SIMC1: variants seen among roughly 807,000 people sequenced by gnomAD.
SIMC1 encodes SUMO interacting motifs containing 1, also known as SUMO-interacting motif-containing protein 1.
Under a neutral mutation model 82.3 loss-of-function variants are expected in SIMC1, and 55 were observed. The ratio of observed to expected loss-of-function variants is 0.67; its 90% CI spans 0.54 to 0.84. The LOEUF is 0.84. Among genes scored for constraint, SIMC1 ranks in the 40% least tolerant of loss-of-function variants. The probability of loss-of-function intolerance (pLI) is 0.00; values close to 1 mark genes in which losing one functional copy is unlikely to be tolerated. For synonymous variants in SIMC1, 353 were observed against 426.3 expected (o/e 0.83, Z 2.12); for missense variants, 915 against 1,107.2 (o/e 0.83, Z 2.46).
chr5:176,289,340 C>T (rs573339625), intron 1 of SIMC1, among the ~76,000 whole-genome samples: 1 of 152,054 alleles, frequency 6.6e-6, no homozygotes, highest in East Asian at 1.9e-4. Flanking sequence ...TTTGACCTTC[C>T]AAACAAAGGT....
chr5:176,340,158 C>G (rs1766068625), intron 9 of SIMC1, among the ~76,000 whole-genome samples: 1 of 152,158 alleles, frequency 6.6e-6, no homozygotes, highest in East Asian at 1.9e-4. Flanking sequence ...ATCCAAAAAC[C>G]TTGTGAAGGT....
intron 4 of SIMC1, among the ~76,000 whole-genome samples, chr5:176,305,785 G>A (rs1471366944): frequency 1.7e-5 from 1 of 58,918 alleles, no homozygotes; most frequent in South Asian, 6.0e-4. Context: ...CCGGCCAGCC[G>A]CCCCGTCCGG....
chr5:176,340,671 G>A (rs920468603), intron 9 of SIMC1, among the ~76,000 whole-genome samples: 12 of 152,214 alleles, frequency 7.9e-5, no homozygotes, highest in African/African-American at 1.7e-4. Flanking sequence ...TAATGAATAA[G>A]ACCAGCATGG....
chr5:176,297,115 G>A (rs1420762972), intron 4 of SIMC1, among the ~76,000 whole-genome samples: 9 of 152,178 alleles, frequency 5.9e-5, no homozygotes, highest in Non-Finnish European at 1.3e-4. Flanking sequence ...GTTTGTGGAT[G>A]GAACAGCCAA....
chr5:176,338,318 C>T (rs991264606), intron 9 of SIMC1, among the ~76,000 whole-genome samples: 2 of 152,050 alleles, frequency 1.3e-5, no homozygotes, highest in African/African-American at 4.8e-5. Context: ...TAGGCTGGAT[C>T]CTGAACAGGA....
rs1255505996 is a variant in SIMC1 at position 176,345,668 on chromosome 5, TAATA to T, written c.*227_*230del. On this transcript the variant is annotated 3_prime_UTR_variant, in exon 10 of 10. Coordinates refer to ENST00000429602, the MANE Select transcript of SIMC1 (RefSeq NM_001308195.2). Reference sequence around the variant, plus strand: ...AAATATACAAGGTATATATATTTTTTAATAAATTATTTATCTATACTTTTTTGAA... The same window carrying T: ...AAATATACAAGGTATATATATTTTTTAATTATTTATCTATACTTTTTTGAA... The T allele has an allele frequency of 3.5e-6, 1 of 282,296 alleles. No individual in the cohort carries two copies. Among genetic ancestry groups the T allele is most frequent in the Non-Finnish European group, 6.3e-6 (1 of 157,516 alleles). 17.5% of individuals were successfully genotyped at this position (282,296 alleles called of 1,614,324 possible). A position where few individuals can be genotyped will look rare whatever the true frequency, so the allele number is the denominator to read the frequency against.
Position 176,290,841 on chromosome 5 carries a change from AC to A in SIMC1, c.1319del (p.Pro440HisfsTer14). On this transcript the variant is annotated frameshift_variant, in exon 2 of 10. Transcript: ENST00000429602. LOFTEE classifies it high-confidence loss of function. The part of the protein sequence containing the change: ...PGSAHVQSRT[P>X]QGGLYNRPCL... ...GGTCTGCCCACGTACAATCACGAAC[AC>A]CACAAGGTGGGTTGTACAACAGACC... 1 of 1,613,732 alleles carries A rather than the reference AC, an allele frequency of 6.2e-7. No individual in the cohort carries two copies. Among genetic ancestry groups the A allele is most frequent in the Non-Finnish European group, 8.5e-7 (1 of 1,179,732 alleles).
chr5:176,304,823 C>G (rs960565414), intron 4 of SIMC1, among the ~76,000 whole-genome samples: 4 of 149,894 alleles, frequency 2.7e-5, no homozygotes, highest in Non-Finnish European at 5.9e-5. Flanking sequence ...ATGTGGGGAG[C>G]GCCTCTGCCC....
chr5:176,290,289 G>A lies in SIMC1; in HGVS notation c.765G>A (p.Gln255=). The A allele has an allele frequency of 1.2e-6, 2 of 1,612,124 alleles. No homozygotes were observed. The highest frequency in any genetic ancestry group is 1.7e-6 in the Non-Finnish European group (2 of 1,179,710). The change falls in exon 2 of 10, where the codon CAG becomes CAA. Residue 255 remains glutamine (Q), a synonymous_variant. Transcript: ENST00000429602. ...TGTCATGCCCATCACAAACCATGCA[G>A]TGCCAACTACCAGCTCTAACTCACC... ...RALSCPSQTM[Q]CQLPALTHPP... is the part of the protein sequence containing the mutation.
chr5:176,260,086 C>G lies in SIMC1; in HGVS notation c.129+21449C>G, dbSNP rs192194639. Among the ~76,000 whole-genome samples, 561 of 151,666 alleles carry G rather than the reference C, an allele frequency of 3.7e-3. 3 individuals are homozygous for G. Among genetic ancestry groups the G allele is most frequent in the African/African-American group, 0.013 (533 of 41,410 alleles). ...TTAAAAAATTCATACCTCATTCAGA[C>G]CATTATTCATTTTGCTTGCAATGGT... On this transcript the variant is annotated intron_variant, in intron 1 of 9. Transcript: ENST00000429602.
chr5:176,275,876 G>A (rs936485504), intron 1 of SIMC1, among the ~76,000 whole-genome samples: 1 of 151,640 alleles, frequency 6.6e-6, no homozygotes, highest in Non-Finnish European at 1.5e-5. Context: ...CGGTTTGCTA[G>A]TATTTTATTG....
intron 9 of SIMC1, among the ~76,000 whole-genome samples, chr5:176,343,718 C>T (rs914624923): frequency 1.2e-4 from 19 of 152,082 alleles, no homozygotes; most frequent in Admixed American, 8.5e-4. Flanking sequence ...ATCTCCTAAG[C>T]GTAAGGATAT....
chr5:176,307,523 C>A (rs562128752), intron 4 of SIMC1, among the ~76,000 whole-genome samples: 12 of 152,270 alleles, frequency 7.9e-5, no homozygotes, highest in African/African-American at 2.6e-4. Context: ...GCCTCAGCCT[C>A]CCGAGTAGCT....
Position 176,308,138 on chromosome 5 carries a change from G to T in SIMC1, c.1735-5553G>T. On this transcript the variant is annotated intron_variant, in intron 4 of 9. Coordinates refer to ENST00000429602, the MANE Select transcript of SIMC1 (RefSeq NM_001308195.2). ...CACTTTCCTTGTTTGTCTCAACCAT[G>T]CTCTGAGCACAGAGAAGGAGGAAGT... is the stretch of plus-strand genomic sequence containing the variant. The T allele has an allele frequency of 4.0e-6, 4 of 1,003,214 alleles. No homozygotes were observed. In the South Asian group the frequency reaches 4.0e-5, roughly 10 times the overall value. The allele number at this position is 1,003,214 out of a possible 1,614,324, so 62.1% of individuals were successfully genotyped here.
chr5:176,245,136 C>T (rs1177055805), intron 1 of SIMC1, among the ~76,000 whole-genome samples: 11 of 152,158 alleles, frequency 7.2e-5, no homozygotes, highest in Admixed American at 7.2e-4. Context: ...CAGATTGTGA[C>T]CTTATTTAGA....
intron 5 of SIMC1, 75 bp from the exon 6 acceptor site, chr5:176,322,198 C>T (rs1220847337): frequency 6.8e-7 from 1 of 1,464,766 alleles, no homozygotes; most frequent in African/African-American, 1.4e-5. Context: ...GACATGGAAA[C>T]CTTTTCTTTC....
rs778040404 is a variant in SIMC1, at chr5:176,313,730, G to A, written c.1774G>A (p.Val592Ile). 4 of 1,613,938 alleles carry A rather than the reference G, an allele frequency of 2.5e-6. No homozygotes were observed. In the East Asian group the frequency reaches 8.9e-5, roughly 36 times the overall value. The change falls in exon 5 of 10, where the codon GTC becomes ATC. Residue 592 changes from valine to isoleucine, a missense_variant. Around this residue, in one of 2 missense-constraint regions of SIMC1, gnomAD observed 902 missense variants for 1,040.3 expected, o/e 0.87. Transcript: ENST00000429602. Reference sequence around the variant, plus strand: ...TGGGCGAGTCCTTTTCCTGCGTTATGTCGTTCAGACCCTAGAAGATGACTT... The same window carrying A: ...TGGGCGAGTCCTTTTCCTGCGTTATATCGTTCAGACCCTAGAAGATGACTT... ...LPGRVLFLRYVVQTLEDDFQQ... is the reference protein window; with the variant it reads ...LPGRVLFLRYIVQTLEDDFQQ...
At chr5:176,312,292 T>A (rs1051649000) in intron 4 of SIMC1, among the ~76,000 whole-genome samples, 1 of 152,038 alleles carries the variant, frequency 6.6e-6, no homozygotes, top group African/African-American at 2.4e-5. Context: ...TCCCAACACT[T>A]TGGGAGACCG....
At chr5:176,287,045 T>G (rs1763321772) in intron 1 of SIMC1, among the ~76,000 whole-genome samples, 1 of 152,188 alleles carries the variant, frequency 6.6e-6, no homozygotes, top group Non-Finnish European at 1.5e-5. Flanking sequence ...TGTAAACTAG[T>G]TCAACCATTG....
Sources: gnomAD v4.1 joint callset for allele counts (sites outside exome capture counted in the v4.1 genomes callset) on GRCh38, gnomAD v4.1.1 for gene constraint, gnomAD v4.1.1 regional missense constraint, MANE v1.5 for transcripts, NCBI Gene and HGNC (gene_info 2026-07-23, HGNC 2026-07-21) for gene names.